The following EDNRA variants were observed in gnomAD, a reference collection of about 807,000 sequenced individuals.
EDNRA encodes the protein endothelin receptor type A.
EDNRA carries 11 observed loss-of-function variants against 41.4 expected under a neutral mutation model. The observed-to-expected ratio is 0.27, with a 90% CI of 0.17 to 0.44. The LOEUF is 0.44. EDNRA is among the 20% of genes least tolerant of loss of function. The probability of loss-of-function intolerance (pLI) is 1.00; values close to 1 mark genes in which losing one functional copy is unlikely to be tolerated. For missense variants in EDNRA, 294 were observed against 531.0 expected, an observed-to-expected ratio of 0.55 and a Z score of 4.39; for synonymous variants, 172 against 183.0, an observed-to-expected ratio of 0.94 and a Z score of 0.49.
At chr4:147,483,724 A>ATTTT (rs367755384) in intron 1 of EDNRA, among the ~76,000 whole-genome samples, 55 of 145,544 alleles carry the variant, frequency 3.8e-4, no homozygotes, top group East Asian at 1.0e-3. Flanking sequence ...TATTTATTTA[A>ATTTT]TTTTTTTTTT....
Position 147,544,046 on chromosome 4 carries a change from T to C in EDNRA, c.*1428T>C, listed in dbSNP as rs1172242200. ...TTTTAGCCCATTTTTCTAGACTGTC[T>C]CTGTGGAATATATTTGTGTGTGTGA... On this transcript the variant is annotated 3_prime_UTR_variant, in exon 8 of 8. Transcript: ENST00000651419. 6.6e-6 allele frequency: 1 copy of C among 152,654 alleles called. No homozygotes were observed. Among genetic ancestry groups the C allele is most frequent in the Non-Finnish European group, 1.5e-5 (1 of 68,046 alleles). 9.5% of individuals were successfully genotyped at this position (152,654 alleles called of 1,614,324 possible).
chr4:147,535,857 T>TTC lies in EDNRA; in HGVS notation c.748-19_748-18insCT, dbSNP rs71594223. 432,462 of 1,599,026 alleles carry TTC rather than the reference T, an allele frequency of 0.27. 62,737 individuals carry two copies. The highest frequency in any genetic ancestry group is 0.57 in the African/African-American group (42,327 of 73,666). ...TGACTCTGCTCCTCCTTTTCTCTTT[T>TTC]TTTTTTTTTCACTTTGAAGTTCTAC... On this transcript the variant is annotated intron_variant, in intron 4 of 7. Coordinates refer to ENST00000651419, the MANE Select transcript of EDNRA (RefSeq NM_001957.4).
At chr4:147,528,162 A>AT (rs1284933723) in intron 3 of EDNRA, among the ~76,000 whole-genome samples, 1 of 152,154 alleles carries the variant, frequency 6.6e-6, no homozygotes, top group East Asian at 1.9e-4. Context: ...TTCCCTAGAG[A>AT]TTAAGAATTC....
At chr4:147,500,664 A>ATTGCTCCCACTGCACTCCAGC (rs1197704118) in intron 2 of EDNRA, among the ~76,000 whole-genome samples, 2 of 151,582 alleles carry the variant, frequency 1.3e-5, no homozygotes, top group Non-Finnish European at 2.9e-5. Context: ...CTGAGCCATG[A>ATTGCTCCCACTGCACTCCAGC]TTGCTCCCAC....
chr4:147,505,679 C>CAA (rs1191436917), intron 2 of EDNRA, among the ~76,000 whole-genome samples: 1 of 127,424 alleles, frequency 7.8e-6, no homozygotes, highest in Non-Finnish European at 1.6e-5. Context: ...GACAGAGTCT[C>CAA]AGTCTGTTGC....
intron 3 of EDNRA, among the ~76,000 whole-genome samples, chr4:147,523,800 G>C (rs1488255347): frequency 6.6e-6 from 1 of 152,016 alleles, no homozygotes; most frequent in African/African-American, 2.4e-5. Flanking sequence ...TGTTTTGTTA[G>C]TCTTAAGATC....
intron 3 of EDNRA, among the ~76,000 whole-genome samples, 179 bp from the exon 4 acceptor site, chr4:147,532,325 CAA>C (rs59851236): frequency 0.2 from 12,290 of 60,046 alleles, 351 homozygotes; most frequent in African/African-American, 0.26. Flanking sequence ...GATTTTGCCT[CAA>C]AAAAAAAAAA....
intron 2 of EDNRA, among the ~76,000 whole-genome samples, chr4:147,517,720 T>G (rs1056691332): frequency 5.3e-5 from 8 of 152,194 alleles, no homozygotes; most frequent in Non-Finnish European, 1.0e-4. Flanking sequence ...AGAAAGACAA[T>G]TCCATGATCT....
Position 147,486,345 on chromosome 4 carries a change from GTT to G in EDNRA, c.420+246_420+247del, listed in dbSNP as rs1399513836. Among the ~76,000 whole-genome samples, 3 of 152,158 alleles carry G rather than the reference GTT, an allele frequency of 2.0e-5. No homozygotes were observed. The highest frequency in any genetic ancestry group is 2.9e-5 in the Non-Finnish European group (2 of 68,016). On this transcript the variant is annotated intron_variant, in intron 2 of 7. Coordinates refer to ENST00000651419, the MANE Select transcript of EDNRA (RefSeq NM_001957.4). The surrounding 1 kb of genome is among the most constrained non-coding windows in gnomAD (Gnocchi z 4.3). ...AGGGATGATGGTTCAAAATCATGGT[GTT>G]TCATGACTTGGATTCTCATGCCACC...
intron 2 of EDNRA, among the ~76,000 whole-genome samples, chr4:147,502,492 A>G (rs949855255): frequency 6.6e-6 from 1 of 152,232 alleles, no homozygotes; most frequent in Non-Finnish European, 1.5e-5. Context: ...TTCAACTTGA[A>G]CAGCTTTTTG....
In EDNRA at chr4:147,532,325, C is replaced by CAAAAA. The variant is rs59851236; in HGVS notation, c.549-160_549-156dup. 7.3e-4 allele frequency among the ~76,000 whole-genome samples: 44 copies of CAAAAA among 60,376 alleles called. 1 individual carries two copies. The highest frequency in any genetic ancestry group is 1.8e-3 in the African/African-American group (29 of 15,942). The allele number at this position is 60,376 out of a possible 152,430, so 39.6% of individuals were successfully genotyped here. A position where few individuals can be genotyped will look rare whatever the true frequency, so the allele number is the denominator to read the frequency against. Reference sequence around the variant, plus strand: ...TGAGCAACAGAGCGAGATTTTGCCTCAAAAAAAAAAAAAAAAAAAAAAAAA... The same window carrying CAAAAA: ...TGAGCAACAGAGCGAGATTTTGCCTCAAAAAAAAAAAAAAAAAAAAAAAAAAAAAA... On this transcript the variant is annotated intron_variant, in intron 3 of 7. Transcript: ENST00000651419.
intron 2 of EDNRA, among the ~76,000 whole-genome samples, chr4:147,487,758 A>G (rs1436371274): frequency 1.3e-5 from 2 of 152,272 alleles, no homozygotes; most frequent in Non-Finnish European, 2.9e-5. Flanking sequence ...TGAAGAGATT[A>G]GAGAACAAAC....
At position 147,497,640 on chromosome 4, in the gene EDNRA, T is replaced by G. The variant is rs1227330378; in HGVS notation, c.420+11539T>G. On this transcript the variant is annotated intron_variant, in intron 2 of 7. Transcript: ENST00000651419. ...AGGCTGGAGTGCAGTGGCGCGATCTTGGCTCACTACAAGCTCCGCCTCCCA... is the reference window on the plus strand; with the variant it reads ...AGGCTGGAGTGCAGTGGCGCGATCTGGGCTCACTACAAGCTCCGCCTCCCA... Among the ~76,000 whole-genome samples the G allele has an allele frequency of 2.0e-5, 3 of 152,150 alleles. No homozygotes were observed. The East Asian group carries it at 5.8e-4, about 29-fold the overall frequency.
chr4:147,542,165 C>T (rs765483664), intron 7 of EDNRA, among the ~76,000 whole-genome samples: 1 of 152,178 alleles, frequency 6.6e-6, no homozygotes, highest in Non-Finnish European at 1.5e-5. Flanking sequence ...AGGACCCCCC[C>T]ACCAGCCCAG....
chr4:147,499,805 T>A (rs975587454), intron 2 of EDNRA, among the ~76,000 whole-genome samples: 2 of 140,994 alleles, frequency 1.4e-5, no homozygotes, highest in South Asian at 4.8e-4. Context: ...GTCTTTTTTT[T>A]TTTTTTTTTT....
At position 147,535,957 on chromosome 4, in the gene EDNRA, C is replaced by G. The variant is rs140752065; in HGVS notation, c.828C>G (p.Thr276=). 7 of 1,613,744 alleles carry G rather than the reference C, an allele frequency of 4.3e-6. No homozygotes were observed. In the African/African-American group the frequency reaches 8.0e-5, roughly 18 times the overall value. The change falls in exon 5 of 8, where the codon ACC becomes ACG. Residue 276 remains threonine (T), a synonymous_variant. Transcript: ENST00000651419. ...TGGTGTGCACTGCGATCTTCTACAC[C>G]CTCATGACTTGTGAGATGTTGAACA... is the stretch of plus-strand genomic sequence containing the variant. ...MPLVCTAIFY[T]LMTCEMLNRR... is the part of the protein sequence containing the mutation.
chr4:147,513,618 CAGAA>C (rs1033776345), intron 2 of EDNRA, among the ~76,000 whole-genome samples: 5 of 152,132 alleles, frequency 3.3e-5, no homozygotes, highest in African/African-American at 9.7e-5. Flanking sequence ...GTCCCTTCCC[CAGAA>C]AGAAAGAAAA....
chr4:147,506,080 T>C lies in EDNRA; in HGVS notation c.421-13771T>C, dbSNP rs189505320. 516 of 511,124 alleles carry C rather than the reference T, an allele frequency of 1.0e-3. 2 individuals are homozygous for C. Among genetic ancestry groups the C allele is most frequent in the African/African-American group, 8.6e-3 (441 of 51,224 alleles). The allele number at this position is 511,124 out of a possible 1,614,324, so 31.7% of individuals were successfully genotyped here. Reference sequence around the variant, plus strand: ...CATTGCTCTTTCCCTGGGTTCCCAGTATCCTGGCAGGTTCCTGAATATTTG... The same window carrying C: ...CATTGCTCTTTCCCTGGGTTCCCAGCATCCTGGCAGGTTCCTGAATATTTG... On this transcript the variant is annotated intron_variant, in intron 2 of 7. Coordinates refer to ENST00000651419, the MANE Select transcript of EDNRA (RefSeq NM_001957.4).
intron 2 of EDNRA, chr4:147,493,981 C>T (rs922991230): frequency 2.0e-5 from 3 of 152,138 alleles, no homozygotes; most frequent in African/African-American, 7.2e-5. Flanking sequence ...ACTTAAACAC[C>T]TCTAAGAGTT....
Sources: allele counts gnomAD v4.1 joint callset (sites outside exome capture counted in the v4.1 genomes callset), GRCh38; gene constraint gnomAD v4.1.1; non-coding constraint Gnocchi (gnomAD v3.1); transcripts MANE v1.5; gene names NCBI Gene and HGNC (gene_info 2026-07-23, HGNC 2026-07-21).